The following LRRC8B variants were observed in gnomAD, a reference collection of about 807,000 sequenced individuals.
LRRC8B encodes leucine rich repeat containing 8 VRAC subunit B, also known as volume-regulated anion channel subunit LRRC8B.
LRRC8B carries 23 observed loss-of-function variants against 58.8 expected under a neutral mutation model. The observed-to-expected ratio is 0.39, with a 90% CI of 0.28 to 0.55. The LOEUF (loss-of-function observed/expected upper bound fraction) is 0.55. Among genes scored for constraint, LRRC8B ranks in the 20% least tolerant of loss-of-function variants. The probability of loss-of-function intolerance (pLI) is 0.62; values close to 1 mark genes in which losing one functional copy is unlikely to be tolerated. For synonymous variants in LRRC8B, 359 were observed against 374.1 expected, an observed-to-expected ratio of 0.96 and a Z score of 0.47; for missense variants, 694 against 936.0, an observed-to-expected ratio of 0.74 and a Z score of 3.37.
chr1:89,589,097 G>C (rs1433932463), intron 5 of LRRC8B, among the ~76,000 whole-genome samples: 4 of 151,866 alleles, frequency 2.6e-5, no homozygotes, highest in Non-Finnish European at 5.9e-5. Flanking sequence ...ATTATATAAG[G>C]ACCTACATAA....
chr1:89,592,943 A>G lies in LRRC8B; in HGVS notation c.2312A>G (p.Gln771Arg), dbSNP rs376769356. Residue 771 changes from glutamine to arginine, a missense_variant, in exon 6 of 6, where the codon CAG becomes CGG. Physicochemically the swap from Gln to Arg is conservative, Grantham distance 43. Around this residue, in one of 5 missense-constraint regions of LRRC8B, gnomAD observed 139 missense variants for 158.2 expected, o/e 0.88. Transcript: ENST00000330947. ...CTTCCTCCTGAACTAGAAGGATGTC[A>G]GTCCCTAAAACGGAACTGTCTGATT... ...ETLPPELEGC[Q>R]SLKRNCLIVE... 6.2e-7 allele frequency: 1 copy of G among 1,614,174 alleles called. No homozygotes were observed. The highest frequency in any genetic ancestry group is 8.5e-7 in the Non-Finnish European group (1 of 1,180,000).
intron 5 of LRRC8B, among the ~76,000 whole-genome samples, chr1:89,589,060 C>T (rs1654814218): frequency 6.6e-6 from 1 of 152,164 alleles, no homozygotes; most frequent in Admixed American, 6.5e-5. Context: ...AATTTCATTA[C>T]TTAAAAATAT....
At position 89,583,960 on chromosome 1, in the gene LRRC8B, T is replaced by A. The variant is rs761172439; in HGVS notation, c.1310T>A (p.Phe437Tyr). Residue 437 changes from phenylalanine (F) to tyrosine (Y), a missense_variant, in exon 5 of 6, where the codon TTT (phenylalanine) becomes TAT (tyrosine). Phe to Tyr is a conservative substitution (Grantham distance 22). Coordinates refer to ENST00000330947, the MANE Select transcript of LRRC8B (RefSeq NM_001369817.2). The surrounding 1 kb of genome is among the most constrained non-coding windows in gnomAD (Gnocchi z 5.2). ...CTCAACGGTCTTCCAGACAATGTCT[T>A]TGAGTTAACTGAAATGGAAGTGCTA... ...FMLNGLPDNV[F>Y]ELTEMEVLSL... is the part of the protein sequence containing the mutation. The A allele has an allele frequency of 5.6e-6, 9 of 1,614,202 alleles. No individual in the cohort carries two copies. The highest frequency in any genetic ancestry group is 6.8e-6 in the Non-Finnish European group (8 of 1,180,042).
chr1:89,529,145 CA>C (rs1649920334), intron 1 of LRRC8B, among the ~76,000 whole-genome samples: 1 of 152,194 alleles, frequency 6.6e-6, no homozygotes, highest in Non-Finnish European at 1.5e-5. Flanking sequence ...AAATGTTATA[CA>C]TTAACATATC....
chr1:89,593,121 T>G lies in LRRC8B; in HGVS notation c.*78T>G. 6.9e-7 allele frequency: 1 copy of G among 1,458,808 alleles called. No homozygotes were observed. The highest frequency in any genetic ancestry group is 9.4e-7 in the Non-Finnish European group (1 of 1,064,818). The allele number at this position is 1,458,808 out of a possible 1,614,324, so 90.4% of individuals were successfully genotyped here. A position where few individuals can be genotyped will look rare whatever the true frequency, so the allele number is the denominator to read the frequency against. ...CGGGCGTGGTGGCTCATGCCTATAA[T>G]CCCAGCACTTTGGGAGGCCAAGATG... On this transcript the variant is annotated 3_prime_UTR_variant, in exon 6 of 6. Transcript: ENST00000330947.
chr1:89,537,526 G>T (rs1650622342), intron 1 of LRRC8B, among the ~76,000 whole-genome samples: 1 of 152,148 alleles, frequency 6.6e-6, no homozygotes, highest in Non-Finnish European at 1.5e-5. Context: ...ATGGTGGAGT[G>T]CAGTGGCATG....
intron 1 of LRRC8B, among the ~76,000 whole-genome samples, chr1:89,539,249 A>G (rs1156388283): frequency 6.6e-6 from 1 of 151,856 alleles, no homozygotes; most frequent in East Asian, 1.9e-4. Flanking sequence ...CCTTTCCCCC[A>G]TATTGCCCTC....
At chr1:89,553,891 A>G (rs1279573778) in intron 1 of LRRC8B, among the ~76,000 whole-genome samples, 1 of 152,148 alleles carries the variant, frequency 6.6e-6, no homozygotes, top group African/African-American at 2.4e-5. Flanking sequence ...TTTTCTTGAT[A>G]TATAATAGTA....
chr1:89,543,548 T>G (rs1570572603), intron 1 of LRRC8B, among the ~76,000 whole-genome samples: 1 of 151,938 alleles, frequency 6.6e-6, no homozygotes, highest in African/African-American at 2.4e-5. Flanking sequence ...TGGGCTGGAG[T>G]GCAGTGGCAC....
chr1:89,574,802 A>G (rs12760395), intron 3 of LRRC8B, among the ~76,000 whole-genome samples: 57,126 of 152,116 alleles, frequency 0.38, 12,951 homozygotes, highest in South Asian at 0.55. Context: ...ACTCAAAGAA[A>G]GAAGTGGCCT....
chr1:89,575,071 T>C (rs1557614880), intron 3 of LRRC8B, among the ~76,000 whole-genome samples: 1 of 152,128 alleles, frequency 6.6e-6, no homozygotes, highest in Admixed American at 6.5e-5. Flanking sequence ...GATGAAGTTT[T>C]TGGGGGGCTT....
intron 1 of LRRC8B, among the ~76,000 whole-genome samples, chr1:89,548,679 G>T (rs1651586770): frequency 6.6e-6 from 1 of 152,128 alleles, no homozygotes; most frequent in South Asian, 2.1e-4. Context: ...CTGCAAATAG[G>T]AATTGAGATC....
Position 89,594,275 on chromosome 1 carries a change from T to C in LRRC8B, c.*1232T>C, listed in dbSNP as rs1486569528. On this transcript the variant is annotated 3_prime_UTR_variant, in exon 6 of 6. Transcript: ENST00000330947. ...TACATTCTGCTCCAAAATGTTTTTG[T>C]ACTCTGCAACTAATTACTTTTGGAT... 6.6e-6 allele frequency: 1 copy of C among 152,214 alleles called. No individual in the cohort carries two copies. Among genetic ancestry groups the C allele is most frequent in the Non-Finnish European group, 1.5e-5 (1 of 68,020 alleles). The allele number at this position is 152,214 out of a possible 1,614,324, so 9.4% of individuals were successfully genotyped here.
intron 1 of LRRC8B, chr1:89,550,113 A>T (rs1269260890): frequency 6.6e-6 from 1 of 152,180 alleles, no homozygotes; most frequent in Non-Finnish European, 1.5e-5. Flanking sequence ...CTTCTAAGGG[A>T]TACCTAAGGA....
intron 1 of LRRC8B, among the ~76,000 whole-genome samples, chr1:89,543,723 T>C (rs1651193291): frequency 6.6e-6 from 1 of 151,992 alleles, no homozygotes; most frequent in Non-Finnish European, 1.5e-5. Flanking sequence ...CTCAAACTCC[T>C]GACCTCAGAT....
chr1:89,582,352 C>T (rs1024155936), intron 4 of LRRC8B, among the ~76,000 whole-genome samples: 4 of 152,106 alleles, frequency 2.6e-5, no homozygotes, highest in African/African-American at 9.7e-5. Context: ...CAAGAGGTAA[C>T]GAGATAATTA....
chr1:89,556,852 C>G (rs1245910884), intron 1 of LRRC8B, among the ~76,000 whole-genome samples: 5 of 152,172 alleles, frequency 3.3e-5, no homozygotes, highest in African/African-American at 9.7e-5. Context: ...AGACTGGTTT[C>G]TTTCTGAATG....
chr1:89,560,986 A>T (rs1166987449), intron 1 of LRRC8B, among the ~76,000 whole-genome samples: 1 of 150,110 alleles, frequency 6.7e-6, no homozygotes, highest in Non-Finnish European at 1.5e-5. Flanking sequence ...TGGTTGAACT[A>T]GTTTACAGTC....
chr1:89,531,551 A>G lies in LRRC8B; in HGVS notation c.-241+6529A>G, dbSNP rs567976110. 6.6e-5 allele frequency among the ~76,000 whole-genome samples: 10 copies of G among 152,266 alleles called. No homozygotes were observed. The East Asian group carries it at 1.9e-3, about 29-fold the overall frequency. ...CAAAGGTGGTCTTGTTATCTAGATGATCCTCTCTGGTAGCAGCCCTCAGAT... is the reference window on the plus strand; with the variant it reads ...CAAAGGTGGTCTTGTTATCTAGATGGTCCTCTCTGGTAGCAGCCCTCAGAT... On this transcript the variant is annotated intron_variant, in intron 1 of 5. Transcript: ENST00000330947.
Sources: gnomAD v4.1 joint callset for allele counts (sites outside exome capture counted in the v4.1 genomes callset) on GRCh38, gnomAD v4.1.1 for gene constraint, gnomAD v4.1.1 regional missense constraint, Gnocchi (gnomAD v3.1) non-coding constraint, MANE v1.5 for transcripts, NCBI Gene and HGNC (gene_info 2026-07-23, HGNC 2026-07-21) for gene names.